Variants in NEB observed in about 807,000 individuals in gnomAD.
NEB encodes nemaline myopathy type 2.
NEB carries 512 observed loss-of-function variants against 952.2 expected under a neutral mutation model. The ratio of observed to expected loss-of-function variants is 0.54; its 90% CI spans 0.50 to 0.58. NEB has a LOEUF of 0.58. NEB is among the 20% of genes least tolerant of loss of function. The pLI is 0.00. For synonymous variants in NEB, 2,900 were observed against 3,149.8 expected (o/e 0.92, Z 2.66); for missense variants, 8,428 against 9,231.1 (o/e 0.91, Z 3.56).
intron 171 of NEB, 58 bp from the exon 172 acceptor site, chr2:151,497,091 A>T: frequency 9.2e-6 from 14 of 1,528,166 alleles, no homozygotes; most frequent in Non-Finnish European, 1.2e-5. Flanking sequence ...ATTTGTTGAA[A>T]GGTTTTAAGG....
chr2:151,691,902 C>T lies in NEB; in HGVS notation c.2173G>A (p.Glu725Lys). The change falls in exon 23 of 182, where the codon GAA becomes AAA. Residue 725 changes from glutamate to lysine, a missense_variant. Around this residue, in one of 11 missense-constraint regions of NEB, gnomAD observed 2,851 missense variants for 2,791.5 expected, o/e 1.02. Transcript: ENST00000397345. ...KCYFPQTITQEYEAIKKLDQC... is the reference protein window; with the variant it reads ...KCYFPQTITQKYEAIKKLDQC... Reference sequence around the variant, plus strand: ...TCCAGCTTCTTGATTGCTTCATATTCTTGTGTTATTGTCTGAGGGAAATAG... The same window carrying T: ...TCCAGCTTCTTGATTGCTTCATATTTTTGTGTTATTGTCTGAGGGAAATAG... 6.2e-7 allele frequency: 1 copy of T among 1,605,058 alleles called. No homozygotes were observed. The highest frequency in any genetic ancestry group is 8.5e-7 in the Non-Finnish European group (1 of 1,174,646).
intron 144 of NEB, among the ~76,000 whole-genome samples, chr2:151,531,308 C>CTTTTTTTT (rs1159075000): frequency 3.6e-5 from 3 of 84,010 alleles, no homozygotes; most frequent in African/African-American, 4.5e-5. Context: ...TTTTTTCTTT[C>CTTTTTTTT]TTTTTTTTTT....
intron 35 of NEB, 69 bp downstream of exon 35, chr2:151,675,218 T>C: frequency 9.2e-7 from 1 of 1,089,654 alleles, no homozygotes; most frequent in Non-Finnish European, 1.4e-6. Context: ...CAAGGCACCA[T>C]CCTACTCTTA....
At position 151,525,248 on chromosome 2, in the gene NEB, T is replaced by C. The variant is rs201548700; in HGVS notation, c.22187A>G (p.Lys7396Arg). The C allele has an allele frequency of 1.7e-4, 271 of 1,613,466 alleles. No individual in the cohort carries two copies. Among genetic ancestry groups the C allele is most frequent in the Non-Finnish European group, 2.2e-4 (258 of 1,179,492 alleles). ...GGAGTAGTTGGATTTTCCTTTCTCCTTGACAAACTTCTTTTTGTAATTTGT... is the reference window on the plus strand; with the variant it reads ...GGAGTAGTTGGATTTTCCTTTCTCCCTGACAAACTTCTTTTTGTAATTTGT... ...SDTNYKKKFV[K>R]EKGKSNYSIM... Residue 7396 changes from lysine to arginine, a missense_variant, in exon 151 of 182, where the codon AAG becomes AGG. By Grantham distance (26) the Lys-to-Arg change is conservative. Transcript: ENST00000397345.
chr2:151,519,145 A>G, intron 154 of NEB, 76 bp from the exon 155 acceptor site: 1 of 927,540 alleles, frequency 1.1e-6, no homozygotes, highest in Non-Finnish European at 1.7e-6. Context: ...AAAGTGAGAT[A>G]GCCCATCGTC....
In NEB at chr2:151,684,818, T is replaced by C. The variant is rs756103485; in HGVS notation, c.2795A>G (p.Asn932Ser). The C allele has an allele frequency of 4.3e-6, 7 of 1,613,210 alleles. No individual in the cohort carries two copies. The highest frequency in any genetic ancestry group is 1.7e-5 in the Admixed American group (1 of 59,922). ...ATATGCCTTCTTGGCAAGGTCCACA[T>C]TGATGCTATCAGGGGGGTAGCTGTA... ...HSYSYPPDSI[N>S]VDLAKKAYAL... Residue 932 changes from asparagine (N) to serine (S), a missense_variant, in exon 28 of 182, where the codon AAT (asparagine) becomes AGT (serine). Physicochemically the swap from Asn to Ser is conservative, Grantham distance 46. This residue lies in a region of NEB where 2,851 missense variants were observed against 2,791.5 expected (regional missense o/e 1.02). Transcript: ENST00000397345.
Position 151,627,603 on chromosome 2 carries a change from T to A in NEB, c.10063A>T (p.Asn3355Tyr), listed in dbSNP as rs2098550610. 2 of 1,613,886 alleles carry A rather than the reference T, an allele frequency of 1.2e-6. No individual in the cohort carries two copies. The highest frequency in any genetic ancestry group is 2.7e-5 in the African/African-American group (2 of 74,932). Residue 3355 changes from asparagine to tyrosine, a missense_variant, in exon 69 of 182, where the codon AAC (asparagine) becomes TAC (tyrosine). By Grantham distance (143) the Asn-to-Tyr change is moderately radical. Around this residue, in one of 11 missense-constraint regions of NEB, gnomAD observed 1,772 missense variants for 1,960.3 expected, o/e 0.90. Coordinates refer to ENST00000397345, the MANE Select transcript of NEB (RefSeq NM_001164508.2). ...QTLVSDVDYK[N>Y]YLHEWTCLPD... ...AGGCACGTCCACTCGTGCAGGTAGT[T>A]CTTGTAGTCCACATCGCTGACTAAG...
chr2:151,633,635 T>C lies in NEB; in HGVS notation c.9414+19A>G. On this transcript the variant is annotated intron_variant, in intron 65 of 181. Transcript: ENST00000397345. ...AAATTATTTCTATGCACAGCTCCATTTATAGATGCTGTACTCACGTCACTC... is the reference window on the plus strand; with the variant it reads ...AAATTATTTCTATGCACAGCTCCATCTATAGATGCTGTACTCACGTCACTC... 1 of 1,596,030 alleles carries C rather than the reference T, an allele frequency of 6.3e-7. No individual in the cohort carries two copies. The highest frequency in any genetic ancestry group is 1.7e-5 in the Admixed American group (1 of 58,698).
At chr2:151,616,158 A>G (rs1406666338) in intron 75 of NEB, 49 bp from the exon 76 acceptor site, 1 of 1,273,744 alleles carries the variant, frequency 7.9e-7, no homozygotes, top group Admixed American at 2.0e-5. Context: ...TAAAAAGTGA[A>G]GCTGTTCATT....
intron 160 of NEB, among the ~76,000 whole-genome samples, chr2:151,513,267 A>G (rs757351857): frequency 6.6e-6 from 1 of 152,168 alleles, no homozygotes; most frequent in Non-Finnish European, 1.5e-5. Flanking sequence ...CCTGGCATCA[A>G]ATGAGTGGAC....
chr2:151,646,342 T>C lies in NEB; in HGVS notation c.7432-108A>G, dbSNP rs575672064. ...TATCTGAATTAAACATTATACAGAA[T>C]TGATATAATAAGCAGACAACATAAG... On this transcript the variant is annotated intron_variant, in intron 54 of 181. Coordinates refer to ENST00000397345, the MANE Select transcript of NEB (RefSeq NM_001164508.2). 9.6e-6 allele frequency: 8 copies of C among 835,526 alleles called. No homozygotes were observed. The South Asian group carries it at 1.2e-4, about 13-fold the overall frequency. The allele number at this position is 835,526 out of a possible 1,614,324, so 51.8% of individuals were successfully genotyped here.
chr2:151,496,362 A>G lies in NEB; in HGVS notation c.24400T>C (p.Tyr8134His), dbSNP rs779816758. The G allele has an allele frequency of 3.7e-6, 6 of 1,608,566 alleles. No individual in the cohort carries two copies. Among genetic ancestry groups the G allele is most frequent in the African/African-American group, 1.3e-5 (1 of 74,964 alleles). Reference protein sequence around the residue: ...HNQENISSVLYKENMGKGTPL... With the variant: ...HNQENISSVLHKENMGKGTPL... ...GTTCCCTTGCCCATGTTTTCTTTGT[A>G]TAACACCTGTGCGATGAGAAAGCAT... The change falls in exon 173 of 182, where the codon TAC (tyrosine) becomes CAC (histidine). Residue 8134 changes from tyrosine to histidine, a missense_variant. Tyr to His is a moderately conservative substitution (Grantham distance 83). This residue lies in a region of NEB where 3,374 missense variants were observed against 3,651.5 expected (regional missense o/e 0.92). Coordinates refer to ENST00000397345, the MANE Select transcript of NEB (RefSeq NM_001164508.2).
rs914545213 is a variant in NEB at position 151,666,212 on chromosome 2, C to T, written c.4909G>A (p.Ala1637Thr). The change falls in exon 41 of 182, where the codon GCA becomes ACA. Residue 1637 changes from alanine (A) to threonine (T), a missense_variant. Ala to Thr is a moderately conservative substitution (Grantham distance 58). This residue lies in a region of NEB where 2,851 missense variants were observed against 2,791.5 expected (regional missense o/e 1.02). Coordinates refer to ENST00000397345, the MANE Select transcript of NEB (RefSeq NM_001164508.2). The part of the protein sequence containing the change: ...TPLDMVSVTA[A>T]KKSQEVATNA... ...GTGGCAACCTCCTGAGATTTCTTTG[C>T]AGCTGTCACACTGACCATATCCAGA... 1 of 1,613,814 alleles carries T rather than the reference C, an allele frequency of 6.2e-7. No homozygotes were observed. The highest frequency in any genetic ancestry group is 1.3e-5 in the African/African-American group (1 of 74,900).
chr2:151,637,374 T>C (rs1301580980), intron 63 of NEB, among the ~76,000 whole-genome samples: 1 of 152,148 alleles, frequency 6.6e-6, no homozygotes, highest in African/African-American at 2.4e-5. Context: ...TTGAAGGAAG[T>C]GGGTGAGGCC....
intron 34 of NEB, 42 bp downstream of exon 34, chr2:151,677,523 C>T: frequency 2.1e-6 from 3 of 1,433,122 alleles, no homozygotes; most frequent in South Asian, 1.6e-5. Context: ...TTCTAAAAAG[C>T]TTCCTCCATA....
intron 57 of NEB, among the ~76,000 whole-genome samples, 158 bp downstream of exon 57, chr2:151,643,660 T>C (rs968932022): frequency 1.2e-4 from 19 of 152,162 alleles, no homozygotes; most frequent in Admixed American, 5.2e-4. Context: ...GGCTCTTTCT[T>C]TGTGGAATAA....
intron 5 of NEB, 22 bp downstream of exon 5, chr2:151,727,668 AG>A: frequency 6.3e-7 from 1 of 1,595,298 alleles, no homozygotes; most frequent in Non-Finnish European, 8.6e-7. Flanking sequence ...AAGCCAGGTT[AG>A]CAGAAGTTGT....
chr2:151,672,355 T>C lies in NEB; in HGVS notation c.4299+14A>G. On this transcript the variant is annotated intron_variant, in intron 37 of 181. Coordinates refer to ENST00000397345, the MANE Select transcript of NEB (RefSeq NM_001164508.2). Reference sequence around the variant, plus strand: ...AGTGCAAACATCTCTGGGTCTGTTGTTACACATACTTACATCACTCTGAAT... The same window carrying C: ...AGTGCAAACATCTCTGGGTCTGTTGCTACACATACTTACATCACTCTGAAT... 1 of 1,570,908 alleles carries C rather than the reference T, an allele frequency of 6.4e-7. No individual in the cohort carries two copies. The highest frequency in any genetic ancestry group is 8.7e-7 in the Non-Finnish European group (1 of 1,153,280).
chr2:151,697,867 C>A (rs2099607724), intron 13 of NEB, among the ~76,000 whole-genome samples: 1 of 152,164 alleles, frequency 6.6e-6, no homozygotes, highest in South Asian at 2.1e-4. Flanking sequence ...GAGTTTGAGA[C>A]AAGCCTAGCC....
Sources: gnomAD v4.1 joint callset for allele counts (sites outside exome capture counted in the v4.1 genomes callset) on GRCh38, gnomAD v4.1.1 for gene constraint, gnomAD v4.1.1 regional missense constraint, MANE v1.5 for transcripts, NCBI Gene and HGNC (gene_info 2026-07-23, HGNC 2026-07-21) for gene names.